FOXN1: variants seen among roughly 807,000 people sequenced by gnomAD.
FOXN1 encodes the protein forkhead box protein N1.
FOXN1 carries 15 observed loss-of-function variants against 49.0 expected under a neutral mutation model. The observed-to-expected ratio is 0.31, with a 90% CI of 0.20 to 0.47. The LOEUF is 0.47. FOXN1 is among the 20% of genes least tolerant of loss of function. The pLI is 1.00. For synonymous variants in FOXN1, 356 were observed against 369.0 expected (o/e 0.96, Z 0.40); for missense variants, 800 against 842.8 (o/e 0.95, Z 0.63).
At position 28,537,452 on chromosome 17, in the gene FOXN1, G is replaced by A. The variant is rs770880929; in HGVS notation, c.*16G>A. On this transcript the variant is annotated 3_prime_UTR_variant, in exon 9 of 9. Transcript: ENST00000579795. Reference sequence around the variant, plus strand: ...CCTGGCATGAGCTGTGCCCAGCTTCGTCAGCTCCAGCGTTTGCCTGGTCTG... The same window carrying A: ...CCTGGCATGAGCTGTGCCCAGCTTCATCAGCTCCAGCGTTTGCCTGGTCTG... 1.5e-5 allele frequency: 24 copies of A among 1,601,038 alleles called. 1 individual carries two copies. The highest frequency in any genetic ancestry group is 1.1e-4 in the East Asian group (5 of 44,834).
rs2069705293 is a variant in FOXN1, at chr17:28,524,045, G to A, written c.76G>A (p.Asp26Asn). The change falls in exon 2 of 9, where the codon GAC becomes AAC. Residue 26 changes from aspartate (D) to asparagine (N), a missense_variant. Coordinates refer to ENST00000579795, the MANE Select transcript of FOXN1 (RefSeq NM_001369369.1). ...PTRLEGERQG[D>N]LMQAPGLPGS... ...CAGACTGGAGGGCGAGCGCCAAGGG[G>A]ACCTCATGCAGGCACCGGGCCTCCC... The A allele has an allele frequency of 6.2e-7, 1 of 1,611,770 alleles. No individual in the cohort carries two copies. The highest frequency in any genetic ancestry group is 2.2e-5 in the East Asian group (1 of 44,862).
At chr17:28,509,542 C>T (rs1406092656) in intron 1 of FOXN1, among the ~76,000 whole-genome samples, 3 of 152,206 alleles carry the variant, frequency 2.0e-5, no homozygotes, top group Non-Finnish European at 4.4e-5. Context: ...GTTGTCTGAG[C>T]ATTGAGGAAA....
intron 1 of FOXN1, among the ~76,000 whole-genome samples, chr17:28,518,203 G>T (rs1041811572): frequency 6.6e-6 from 1 of 151,128 alleles, no homozygotes; most frequent in Non-Finnish European, 1.5e-5. Flanking sequence ...CATCCACAGG[G>T]TACACACCTC....
intron 1 of FOXN1, among the ~76,000 whole-genome samples, chr17:28,512,161 G>A (rs2069409134): frequency 6.6e-6 from 1 of 152,310 alleles, no homozygotes; most frequent in Non-Finnish European, 1.5e-5. Flanking sequence ...TGTTGAGGAG[G>A]GATGAAGGCA....
intron 4 of FOXN1, 144 bp downstream of exon 4, chr17:28,527,505 C>G: frequency 1.5e-6 from 1 of 681,448 alleles, no homozygotes; most frequent in Non-Finnish European, 2.7e-6. Flanking sequence ...TAGGCTTGGC[C>G]ACAGCAGGTG....
At chr17:28,532,885 G>C (rs1191544173) in intron 6 of FOXN1, among the ~76,000 whole-genome samples, 4 of 152,240 alleles carry the variant, frequency 2.6e-5, no homozygotes, top group Admixed American at 6.5e-5. Flanking sequence ...AAAGGCCCCA[G>C]CGCCCATTAA....
chr17:28,511,895 C>T (rs375861401), intron 1 of FOXN1, among the ~76,000 whole-genome samples: 1 of 152,168 alleles, frequency 6.6e-6, no homozygotes, highest in East Asian at 1.9e-4. Flanking sequence ...GCTCCAACAT[C>T]CCTGTTGGTC....
chr17:28,535,732 G>A (rs2070046543), intron 8 of FOXN1, among the ~76,000 whole-genome samples: 1 of 152,228 alleles, frequency 6.6e-6, no homozygotes, highest in Non-Finnish European at 1.5e-5. Flanking sequence ...GACAGAGCGA[G>A]ACTCCGCCTC....
chr17:28,533,492 C>CCA (rs1555610632), intron 6 of FOXN1, among the ~76,000 whole-genome samples: 2 of 151,128 alleles, frequency 1.3e-5, no homozygotes, highest in African/African-American at 4.9e-5. Flanking sequence ...AGCACCCCCC[C>CCA]CCACTGCCTG....
chr17:28,510,555 GAC>G (rs5819849), intron 1 of FOXN1, among the ~76,000 whole-genome samples: 6 of 132,934 alleles, frequency 4.5e-5, no homozygotes, highest in Non-Finnish European at 6.3e-5. Flanking sequence ...CATGAGGAAG[GAC>G]ACACACACAC....
chr17:28,524,831 C>A lies in FOXN1; in HGVS notation c.452C>A (p.Thr151Asn), dbSNP rs756015959. The change falls in exon 3 of 9, where the codon ACC (threonine) becomes AAC (asparagine). Residue 151 changes from threonine to asparagine, a missense_variant. By Grantham distance (65) the Thr-to-Asn change is moderately conservative (BLOSUM62 0). Coordinates refer to ENST00000579795, the MANE Select transcript of FOXN1 (RefSeq NM_001369369.1). ...TLALKGHSFK[T>N]PGPLEAFEEI... ...GCCCTCAAAGGACACTCCTTTAAGA[C>A]CCCAGGGCCGCTGGAGGCCTTCGAG... The A allele has an allele frequency of 1.9e-6, 3 of 1,613,768 alleles. No homozygotes were observed. The highest frequency in any genetic ancestry group is 2.5e-6 in the Non-Finnish European group (3 of 1,179,990).
In FOXN1 at chr17:28,537,231, TC is replaced by T. The variant is rs1298276474; in HGVS notation, c.1748del (p.Pro583LeufsTer5). ...CCACCCCAGCCACCACCTCACTGCT[TC>T]CCCCCTGGGCCCTGTCTGACAGAGA... is the stretch of plus-strand genomic sequence containing the variant. ...MPPPQPPPHC[F>X]PPGPCLTETG... On this transcript the variant is annotated frameshift_variant, in exon 9 of 9. Coordinates refer to ENST00000579795, the MANE Select transcript of FOXN1 (RefSeq NM_001369369.1). LOFTEE classifies it high-confidence loss of function. The T allele has an allele frequency of 1.9e-6, 3 of 1,613,418 alleles. No homozygotes were observed. The highest frequency in any genetic ancestry group is 1.6e-4 in the Middle Eastern group (1 of 6,062).
chr17:28,511,622 T>G (rs1362447149), intron 1 of FOXN1, among the ~76,000 whole-genome samples: 1 of 152,054 alleles, frequency 6.6e-6, no homozygotes, highest in Non-Finnish European at 1.5e-5. Flanking sequence ...GATTTTGACA[T>G]TCTGGTTCTC....
rs756784275 is a variant in FOXN1, at chr17:28,529,098, C to T, written c.704C>T (p.Ser235Leu). ...CSSQPPFHQY[S>L]PGGGSYPIPY... ...TGCCCCTTTTGACCTCCTCAGTACT[C>T]GCCAGGTGGTGGCAGCTACCCCATA... The change falls in exon 5 of 9, where the codon TCG (serine) becomes TTG (leucine). Residue 235 changes from serine (S) to leucine (L), a missense_variant. Physicochemically the swap from Ser to Leu is moderately radical, Grantham distance 145. Around this residue, in one of 3 missense-constraint regions of FOXN1, gnomAD observed 383 missense variants for 357.9 expected, o/e 1.07. Coordinates refer to ENST00000579795, the MANE Select transcript of FOXN1 (RefSeq NM_001369369.1). The T allele has an allele frequency of 2.0e-5, 33 of 1,613,994 alleles. No homozygotes were observed. The African/African-American group carries it at 3.1e-4, about 15-fold the overall frequency.
Position 28,537,488 on chromosome 17 carries a change from C to A in FOXN1, c.*52C>A. ...CGTTTGCCTGGTCTGGAAGTCCTGG[C>A]CGGCCGCCCACATCGGGCTCACCTT... On this transcript the variant is annotated 3_prime_UTR_variant, in exon 9 of 9. Transcript: ENST00000579795. 1 of 1,439,762 alleles carries A rather than the reference C, an allele frequency of 6.9e-7. No homozygotes were observed. Among genetic ancestry groups the A allele is most frequent in the Non-Finnish European group, 9.8e-7 (1 of 1,023,690 alleles). The allele number at this position is 1,439,762 out of a possible 1,614,324, so 89.2% of individuals were successfully genotyped here.
rs2151502344 is a variant in FOXN1, at chr17:28,537,338, T to C, written c.1849T>C (p.Tyr617His). 1.2e-6 allele frequency: 2 copies of C among 1,613,368 alleles called. No homozygotes were observed. Among genetic ancestry groups the C allele is most frequent in the Middle Eastern group, 1.7e-4 (1 of 6,060 alleles). The change falls in exon 9 of 9, where the codon TAC becomes CAC. Residue 617 changes from tyrosine (Y) to histidine (H), a missense_variant. Tyr to His is a moderately conservative substitution (Grantham distance 83). Transcript: ENST00000579795. ...GGGTGACCTGCACCTCACCACCCTC[T>C]ACTCTGCCTTTATGGAGCTGGAGCC... ...ALGDLHLTTL[Y>H]SAFMELEPTP...
intron 1 of FOXN1, among the ~76,000 whole-genome samples, chr17:28,514,935 T>C (rs1166389925): frequency 1.3e-5 from 2 of 152,084 alleles, no homozygotes; most frequent in African/African-American, 4.8e-5. Flanking sequence ...GTTACCAAGG[T>C]GGGGCCGTGT....
chr17:28,526,487 G>C (rs1313773065), intron 3 of FOXN1, among the ~76,000 whole-genome samples: 1 of 152,202 alleles, frequency 6.6e-6, no homozygotes, highest in Non-Finnish European at 1.5e-5. Context: ...GTACTCACCG[G>C]AGAGCTCTGC....
intron 4 of FOXN1, 47 bp downstream of exon 4, chr17:28,527,408 CGT>C (rs779114720): frequency 2.0e-5 from 21 of 1,076,792 alleles, no homozygotes; most frequent in African/African-American, 1.7e-4. Flanking sequence ...CTGAGGATAT[CGT>C]GTGTGTGTAT....
Sources: allele counts gnomAD v4.1 joint callset (sites outside exome capture counted in the v4.1 genomes callset), GRCh38; gene constraint gnomAD v4.1.1; regional missense constraint gnomAD v4.1.1; transcripts MANE v1.5; gene names NCBI Gene and HGNC (gene_info 2026-07-23, HGNC 2026-07-21).